The following GRTP1 variants were observed in gnomAD, a reference collection of about 807,000 sequenced individuals.
The protein encoded by GRTP1 is growth hormone regulated TBC protein 1.
Under a neutral mutation model 38.1 loss-of-function variants are expected in GRTP1, and 56 were observed. The observed-to-expected ratio is 1.47, with a 90% CI of 1.19 to 1.84. The LOEUF is 1.84. GRTP1 is among the 40% of genes most tolerant of loss of function. The probability of loss-of-function intolerance (pLI) is 0.00; values close to 1 mark genes in which losing one functional copy is unlikely to be tolerated. For missense variants in GRTP1, 506 were observed against 453.9 expected (o/e 1.11, Z -1.04); for synonymous variants, 217 against 189.5 (o/e 1.14, Z -1.19).
At chr13:113,330,914 G>A (rs1302219914) in intron 5 of GRTP1, among the ~76,000 whole-genome samples, 1 of 18,028 alleles carries the variant, frequency 5.5e-5, no homozygotes, top group African/African-American at 2.4e-4. Flanking sequence ...TGGGAGCCCG[G>A]GTGTGTGCAT....
Position 113,326,077 on chromosome 13 carries a change from C to T in GRTP1, c.577G>A (p.Ala193Thr). 6.2e-7 allele frequency: 1 copy of T among 1,609,772 alleles called. No homozygotes were observed. Among genetic ancestry groups the T allele is most frequent in the Non-Finnish European group, 8.5e-7 (1 of 1,179,962 alleles). ...TGGTCGGTCTTCAGGCCCAGCATGGCCGGGCTGTAGTAATCTGCCAGGCAA... is the reference window on the plus strand; with the variant it reads ...TGGTCGGTCTTCAGGCCCAGCATGGTCGGGCTGTAGTAATCTGCCAGGCAA... Reference protein sequence around the residue: ...GRILPDYYSPAMLGLKTDQEV... With the variant: ...GRILPDYYSPTMLGLKTDQEV... Residue 193 changes from alanine to threonine, a missense_variant, in exon 6 of 8, where the codon GCC (alanine) becomes ACC (threonine). Coordinates refer to ENST00000375431, the MANE Select transcript of GRTP1 (RefSeq NM_024719.4).
intron 5 of GRTP1, among the ~76,000 whole-genome samples, chr13:113,332,946 C>T (rs2042897952): frequency 6.6e-6 from 1 of 152,262 alleles, no homozygotes; most frequent in Non-Finnish European, 1.5e-5. Context: ...CCACAGTTGA[C>T]ATGGACACAC....
chr13:113,335,755 G>A (rs987246606), intron 5 of GRTP1, among the ~76,000 whole-genome samples: 3 of 148,014 alleles, frequency 2.0e-5, no homozygotes, highest in African/African-American at 7.5e-5. Flanking sequence ...TTAACACAGT[G>A]TCCTCTGGTT....
chr13:113,325,164 T>G, intron 7 of GRTP1: 4 of 1,044,692 alleles, frequency 3.8e-6, no homozygotes, highest in Non-Finnish European at 4.6e-6. Flanking sequence ...GCCCAGCTGC[T>G]GAAATACCGC....
intron 5 of GRTP1, among the ~76,000 whole-genome samples, chr13:113,332,172 CCTGA>C (rs1365114393): frequency 5.9e-5 from 9 of 152,186 alleles, no homozygotes; most frequent in East Asian, 5.9e-4. Context: ...CATCAGATTC[CCTGA>C]CTGTGAACAT....
chr13:113,336,506 C>G (rs529785328), intron 5 of GRTP1, among the ~76,000 whole-genome samples: 1 of 152,078 alleles, frequency 6.6e-6, no homozygotes, highest in Non-Finnish European at 1.5e-5. Context: ...CCTGCAGACA[C>G]CATCGCTGGG....
At chr13:113,357,173 G>A (rs12584382) in intron 2 of GRTP1, among the ~76,000 whole-genome samples, 21,155 of 151,184 alleles carry the variant, frequency 0.14, 1,530 homozygotes, top group African/African-American at 0.18. Context: ...AGCTGGACGC[G>A]GTGGCTCATG....
intron 4 of GRTP1, among the ~76,000 whole-genome samples, chr13:113,346,347 C>T (rs1480397035): frequency 2.3e-4 from 5 of 21,762 alleles, no homozygotes; most frequent in African/African-American, 6.6e-4. Flanking sequence ...TGGCCGAGAG[C>T]GGACCCAGGA....
chr13:113,346,008 CT>C (rs2043102034), intron 4 of GRTP1, among the ~76,000 whole-genome samples: 1 of 94,874 alleles, frequency 1.1e-5, no homozygotes, highest in African/African-American at 3.8e-5. Flanking sequence ...CCGAGAGGAC[CT>C]CTGCGGCTGA....
chr13:113,362,683 G>C (rs186845645), intron 2 of GRTP1, among the ~76,000 whole-genome samples: 32 of 152,244 alleles, frequency 2.1e-4, no homozygotes, highest in African/African-American at 7.7e-4. Flanking sequence ...ACCTTTAACA[G>C]TTGGCTTCTC....
rs188337872 is a variant in GRTP1 at position 113,342,894 on chromosome 13, C to T, written c.562+1969G>A. ...TCATAATGAATATCGGAAGTGACGT[C>T]GTACGGACTGAAAACGCATCTGTCC... On this transcript the variant is annotated intron_variant, in intron 5 of 7. Transcript: ENST00000375431. The surrounding 1 kb of genome is among the most constrained non-coding windows in gnomAD (Gnocchi z 4.5). 6.6e-6 allele frequency among the ~76,000 whole-genome samples: 1 copy of T among 152,234 alleles called. No homozygotes were observed. The highest frequency in any genetic ancestry group is 1.9e-4 in the East Asian group (1 of 5,162).
At chr13:113,346,165 A>AGCGGATCCGGGAGGACCT (rs1491329956) in intron 4 of GRTP1, among the ~76,000 whole-genome samples, 1 of 145,038 alleles carries the variant, frequency 6.9e-6, no homozygotes. Flanking sequence ...TCTGTGCCTG[A>AGCGGATCCGGGAGGACCT]CAGTGGACCC....
In GRTP1 at chr13:113,364,107, G is replaced by C. The variant is rs949507714; in HGVS notation, c.-56C>G. 42 of 1,211,736 alleles carry C rather than the reference G, an allele frequency of 3.5e-5. No individual in the cohort carries two copies. In the Admixed American group the frequency reaches 1.4e-3, roughly 41 times the overall value. 75.1% of individuals were successfully genotyped at this position (1,211,736 alleles called of 1,614,324 possible). Reference sequence around the variant, plus strand: ...CAGCGGGTCCCAAGTTCGCCTCCCGGCTCCGGGGCGCTTAAGTCCTTCCGG... The same window carrying C: ...CAGCGGGTCCCAAGTTCGCCTCCCGCCTCCGGGGCGCTTAAGTCCTTCCGG... On this transcript the variant is annotated 5_prime_UTR_variant, in exon 1 of 8. Transcript: ENST00000375431.
rs1208967525 is a variant in GRTP1, at chr13:113,346,038, C to T, written c.466-1079G>A. 2.3e-4 allele frequency among the ~76,000 whole-genome samples: 7 copies of T among 30,958 alleles called. No homozygotes were observed. The South Asian group carries it at 6.2e-3, about 27-fold the overall frequency. The allele number at this position is 30,958 out of a possible 152,430, so 20.3% of individuals were successfully genotyped here. A position where few individuals can be genotyped will look rare whatever the true frequency, so the allele number is the denominator to read the frequency against. ...CGGCTGAGCAGACCTGGGAAGACAT[C>T]TGTGGCCGAGAGCAGACCCGGGAGG... On this transcript the variant is annotated intron_variant, in intron 4 of 7. Transcript: ENST00000375431.
At position 113,363,772 on chromosome 13, in the gene GRTP1, C is replaced by T; in HGVS notation, c.171G>A (p.Arg57=). 6.3e-7 allele frequency: 1 copy of T among 1,596,028 alleles called. No homozygotes were observed. The highest frequency in any genetic ancestry group is 8.5e-7 in the Non-Finnish European group (1 of 1,173,348). The change falls in exon 2 of 8, where the codon AGG becomes AGA. Residue 57 remains arginine (R), a synonymous_variant. Coordinates refer to ENST00000375431, the MANE Select transcript of GRTP1 (RefSeq NM_024719.4). ...SRLLQGGGVP[R]SRTVKRYVRK... ...GCCCCCGGGACCCACCTGTCCGGCT[C>T]CTGGGGACGCCCCCGCCCTGCAGCA...
intron 7 of GRTP1, chr13:113,325,307 C>T (rs575395155): frequency 1.6e-5 from 22 of 1,347,720 alleles, no homozygotes; most frequent in East Asian, 1.1e-4. Flanking sequence ...GCTCCCACAA[C>T]GCCCTCATCA....
chr13:113,362,124 G>C (rs367710971), intron 2 of GRTP1, among the ~76,000 whole-genome samples: 1 of 152,040 alleles, frequency 6.6e-6, no homozygotes, highest in African/African-American at 2.4e-5. Context: ...ACTCTAGCCT[G>C]GGCGACAGAG....
At chr13:113,332,611 C>G (rs1314604011) in intron 5 of GRTP1, among the ~76,000 whole-genome samples, 3 of 152,252 alleles carry the variant, frequency 2.0e-5, no homozygotes, top group African/African-American at 7.2e-5. Flanking sequence ...ACCCGACGGT[C>G]TTCAAGCACT....
chr13:113,352,804 C>T (rs1566438408), intron 3 of GRTP1, among the ~76,000 whole-genome samples: 1 of 152,238 alleles, frequency 6.6e-6, no homozygotes. Context: ...ACTGGACCAT[C>T]CACTGCATGG....
Sources: gnomAD v4.1 joint callset for allele counts (sites outside exome capture counted in the v4.1 genomes callset) on GRCh38, gnomAD v4.1.1 for gene constraint, Gnocchi (gnomAD v3.1) non-coding constraint, MANE v1.5 for transcripts, NCBI Gene and HGNC (gene_info 2026-07-23, HGNC 2026-07-21) for gene names.